Variants in CCDC88A observed in about 807,000 individuals in gnomAD.
The protein encoded by CCDC88A is girdin.
CCDC88A carries 54 observed loss-of-function variants against 234.3 expected under a neutral mutation model. That is an observed-to-expected ratio of 0.23 (90% CI 0.19 to 0.29). CCDC88A has a LOEUF of 0.29. Ranked by LOEUF, CCDC88A falls within the 10% of genes least tolerant of loss-of-function variation. CCDC88A has a pLI of 1.00. For synonymous variants in CCDC88A, 753 were observed against 737.8 expected (o/e 1.02, Z -0.33); for missense variants, 1,832 against 2,123.4 (o/e 0.86, Z 2.70).
intron 31 of CCDC88A, chr2:55,292,873 A>C (rs1476426322): frequency 6.6e-6 from 1 of 152,254 alleles, no homozygotes; most frequent in African/African-American, 2.4e-5. Context: ...ACAAACAAAC[A>C]AAAAGAACTA....
chr2:55,367,528 G>GTTTTTTTTTTTTTTTGTTTT lies in CCDC88A; in HGVS notation c.403-3496_403-3495insAAAACAAAAAAAAAAAAAAA. 3.8e-4 allele frequency among the ~76,000 whole-genome samples: 38 copies of GTTTTTTTTTTTTTTTGTTTT among 99,856 alleles called. 1 individual carries two copies. Among genetic ancestry groups the GTTTTTTTTTTTTTTTGTTTT allele is most frequent in the Non-Finnish European group, 5.3e-4 (27 of 51,136 alleles). The allele number at this position is 99,856 out of a possible 152,430, so 65.5% of individuals were successfully genotyped here. A position where few individuals can be genotyped will look rare whatever the true frequency, so the allele number is the denominator to read the frequency against. ...TTGCTAGAAATTGTTTTATTTCCTT[G>GTTTTTTTTTTTTTTTGTTTT]TTTTTTTTTAAGAGACTGGGTCTTG... On this transcript the variant is annotated intron_variant, in intron 5 of 32. Transcript: ENST00000436346.
At chr2:55,297,372 AT>A (rs1482225891) in intron 29 of CCDC88A, among the ~76,000 whole-genome samples, 1 of 104,706 alleles carries the variant, frequency 9.6e-6, no homozygotes, top group Non-Finnish European at 1.7e-5. Context: ...TATAATATAT[AT>A]TATATATAAA....
chr2:55,398,565 A>T (rs1678023784), intron 2 of CCDC88A, among the ~76,000 whole-genome samples: 1 of 152,140 alleles, frequency 6.6e-6, no homozygotes, highest in Admixed American at 6.6e-5. Context: ...CACCCTAAGG[A>T]TGTGATCTCT....
chr2:55,330,293 C>T (rs1334417271), intron 16 of CCDC88A: 2 of 151,688 alleles, frequency 1.3e-5, no homozygotes, highest in African/African-American at 2.4e-5. Context: ...GTCAGGAGTT[C>T]GAGACCAGCC....
rs773388970 is a variant in CCDC88A, at chr2:55,295,983, C to T, written c.5165G>A (p.Gly1722Glu). The change falls in exon 31 of 33, where the codon GGA (glycine) becomes GAA (glutamate). Residue 1722 changes from glycine (G) to glutamate (E), a missense_variant. Gly to Glu is a moderately conservative substitution (Grantham distance 98). Coordinates refer to ENST00000436346, the MANE Select transcript of CCDC88A (RefSeq NM_001365480.1). The stretch of plus-strand genomic sequence containing the variant: ...ACCACAGCTAACTGGTTTGTCTTTT[C>T]CCAAAAAGTCAGAAGAGACAGACAA... ...KSLSVSSDFLGKDKPVSCGLA... is the reference protein window; with the variant it reads ...KSLSVSSDFLEKDKPVSCGLA... The T allele has an allele frequency of 1.9e-6, 3 of 1,613,258 alleles. No individual in the cohort carries two copies. The highest frequency in any genetic ancestry group is 1.7e-6 in the Non-Finnish European group (2 of 1,179,836).
chr2:55,294,086 G>T, intron 31 of CCDC88A: 1 of 203,112 alleles, frequency 4.9e-6, no homozygotes, highest in Non-Finnish European at 8.7e-6. Context: ...TTTAATAATA[G>T]ATTAATTATA....
chr2:55,301,578 A>G (rs1334715986), intron 27 of CCDC88A: 1 of 515,450 alleles, frequency 1.9e-6, no homozygotes, highest in Non-Finnish European at 3.4e-6. Flanking sequence ...TAGTGCTTTT[A>G]GTTTTTAGAA....
chr2:55,357,404 CTCTT>C (rs1670734224), intron 7 of CCDC88A, among the ~76,000 whole-genome samples: 1 of 151,176 alleles, frequency 6.6e-6, no homozygotes, highest in South Asian at 2.1e-4. Flanking sequence ...TCTCCTCTCT[CTCTT>C]TCTTTCCCCT....
chr2:55,354,408 G>T (rs929213054), intron 8 of CCDC88A, among the ~76,000 whole-genome samples: 1 of 151,944 alleles, frequency 6.6e-6, no homozygotes, highest in African/African-American at 2.4e-5. Flanking sequence ...TGGGATTACA[G>T]GCATGAGCCA....
chr2:55,340,599 A>C (rs767009880), intron 12 of CCDC88A, among the ~76,000 whole-genome samples: 1 of 152,212 alleles, frequency 6.6e-6, no homozygotes, highest in Non-Finnish European at 1.5e-5. Context: ...ATTTAACTAT[A>C]AACTTACAGG....
intron 2 of CCDC88A, chr2:55,403,352 C>T (rs906173746): frequency 1.3e-5 from 2 of 152,204 alleles, no homozygotes; most frequent in Admixed American, 6.5e-5. Flanking sequence ...GTATGGTTCC[C>T]GTTTTGCCCA....
intron 8 of CCDC88A, 21 bp downstream of exon 8, chr2:55,355,558 C>A: frequency 6.2e-7 from 1 of 1,609,290 alleles, no homozygotes; most frequent in Non-Finnish European, 8.5e-7. Flanking sequence ...ATTCAATGAA[C>A]CTCAAAAATC....
rs1036417105 is a variant in CCDC88A, at chr2:55,316,063, A to C, written c.3798T>G (p.Thr1266=). 2 of 1,576,096 alleles carry C rather than the reference A, an allele frequency of 1.3e-6. No homozygotes were observed. Among genetic ancestry groups the C allele is most frequent in the Non-Finnish European group, 1.7e-6 (2 of 1,153,380 alleles). Residue 1266 remains threonine (T), a synonymous_variant, in exon 22 of 33, where the codon ACT becomes ACG. Transcript: ENST00000436346. Reference sequence around the variant, plus strand: ...GAAGACTTTTCAAATTTTTATGGTCAGTTTGTAAAACTTCAGTCTCTTTTA... The same window carrying C: ...GAAGACTTTTCAAATTTTTATGGTCCGTTTGTAAAACTTCAGTCTCTTTTA... ...QLLKETEVLQ[T]DHKNLKSLLN... is the part of the protein sequence containing the mutation.
Position 55,367,528 on chromosome 2 carries a change from G to GT in CCDC88A, c.403-3496dup. ...TTGCTAGAAATTGTTTTATTTCCTTGTTTTTTTTTAAGAGACTGGGTCTTG... is the reference window on the plus strand; with the variant it reads ...TTGCTAGAAATTGTTTTATTTCCTTGTTTTTTTTTTAAGAGACTGGGTCTTG... On this transcript the variant is annotated intron_variant, in intron 5 of 32. Coordinates refer to ENST00000436346, the MANE Select transcript of CCDC88A (RefSeq NM_001365480.1). 9.0e-5 allele frequency among the ~76,000 whole-genome samples: 9 copies of GT among 99,884 alleles called. 3 individuals carry two copies. Among genetic ancestry groups the GT allele is most frequent in the Non-Finnish European group, 1.8e-4 (9 of 51,142 alleles). The allele number at this position is 99,884 out of a possible 152,430, so 65.5% of individuals were successfully genotyped here.
chr2:55,334,533 A>C lies in CCDC88A; in HGVS notation c.2288T>G (p.Ile763Arg), dbSNP rs144813819. The C allele has an allele frequency of 1.2e-6, 2 of 1,611,332 alleles. No homozygotes were observed. The highest frequency in any genetic ancestry group is 2.7e-5 in the African/African-American group (2 of 74,774). ...AGTTTTTTGCAGTCTTTGATTTTCT[A>C]TATCTAAACCCTGGTAGCTAACTTC... ...RLEVSYQGLDIENQRLQKTLE... is the reference protein window; with the variant it reads ...RLEVSYQGLDRENQRLQKTLE... The change falls in exon 15 of 33, where the codon ATA becomes AGA. Residue 763 changes from isoleucine (I) to arginine (R), a missense_variant. Transcript: ENST00000436346. This position sits in a 1 kb window ranked among gnomAD's most constrained non-coding sequence, Gnocchi z 6.1.
chr2:55,378,996 T>C (rs1674153591), intron 3 of CCDC88A, among the ~76,000 whole-genome samples: 2 of 152,298 alleles, frequency 1.3e-5, no homozygotes, highest in African/African-American at 4.8e-5. Flanking sequence ...TCCACTCACC[T>C]TGGTCTCCCA....
chr2:55,354,634 G>A (rs529110231), intron 8 of CCDC88A, among the ~76,000 whole-genome samples: 44 of 151,342 alleles, frequency 2.9e-4, no homozygotes, highest in African/African-American at 1.1e-3. Flanking sequence ...CACCATCTCG[G>A]CTCACTGCAA....
intron 2 of CCDC88A, chr2:55,404,103 T>C (rs1558832671): frequency 6.6e-6 from 1 of 152,152 alleles, no homozygotes. Flanking sequence ...TAATCTGTAC[T>C]CCCCTCCTAA....
intron 2 of CCDC88A, chr2:55,394,351 T>A (rs1158895030): frequency 6.6e-6 from 1 of 152,200 alleles, no homozygotes; most frequent in Non-Finnish European, 1.5e-5. Flanking sequence ...TTTGGGTTGG[T>A]TCCAAGTCTT....
Sources: gnomAD v4.1 joint callset for allele counts (sites outside exome capture counted in the v4.1 genomes callset) on GRCh38, gnomAD v4.1.1 for gene constraint, Gnocchi (gnomAD v3.1) non-coding constraint, MANE v1.5 for transcripts, NCBI Gene and HGNC (gene_info 2026-07-23, HGNC 2026-07-21) for gene names.